RPGRIP1: variants seen among roughly 807,000 people sequenced by gnomAD.
The protein encoded by RPGRIP1 is X-linked retinitis pigmentosa GTPase regulator-interacting protein 1.
A neutral mutation model predicts 157.9 loss-of-function variants in RPGRIP1; 128 were observed. That is an observed-to-expected ratio of 0.81 (90% confidence interval 0.70 to 0.94). RPGRIP1 has a LOEUF of 0.94. RPGRIP1 is among the 40% of genes least tolerant of loss of function. The probability of loss-of-function intolerance (pLI) is 0.00; values close to 1 mark genes in which losing one functional copy is unlikely to be tolerated. For missense variants in RPGRIP1, 1,486 were observed against 1,545.8 expected (o/e 0.96, Z 0.65); for synonymous variants, 554 against 571.6 (o/e 0.97, Z 0.44).
At chr14:21,306,919 G>A (rs1423133857) in intron 6 of RPGRIP1, among the ~76,000 whole-genome samples, 1 of 150,970 alleles carries the variant, frequency 6.6e-6, no homozygotes, top group Non-Finnish European at 1.5e-5. Context: ...GGGACTACAG[G>A]TGCGCACCAC....
At chr14:21,293,229 C>G (rs752047968) in intron 2 of RPGRIP1, among the ~76,000 whole-genome samples, 1 of 152,144 alleles carries the variant, frequency 6.6e-6, no homozygotes, top group Non-Finnish European at 1.5e-5. Context: ...GGCCAGTGAA[C>G]ACTCACAATG....
In RPGRIP1 at chr14:21,305,000, C is replaced by A. The variant is rs991770511; in HGVS notation, c.800+1457C>A. On this transcript the variant is annotated intron_variant, in intron 6 of 24. Coordinates refer to ENST00000400017, the MANE Select transcript of RPGRIP1 (RefSeq NM_020366.4). ...TGTATTTTTAGTAGAGACGGGGTTT[C>A]ACCATGTTAGCCAGGATGGTCTCGA... Among the ~76,000 whole-genome samples, 164 of 152,218 alleles carry A rather than the reference C, an allele frequency of 1.1e-3. 3 individuals carry two copies. The highest frequency in any genetic ancestry group is 1.6e-4 in the Non-Finnish European group (11 of 68,018).
At chr14:21,306,112 CTTTTTTTTTTTTTTTTTTTTTTTTT>C (rs539083010) in intron 6 of RPGRIP1, among the ~76,000 whole-genome samples, 2 of 44,790 alleles carry the variant, frequency 4.5e-5, no homozygotes, top group South Asian at 1.0e-3. Context: ...GAATAATAGT[CTTTTTTTTTTTTTTTTTTTTTTTTT>C]TTTTTTTTTT....
At chr14:21,297,620 A>T (rs1880840710) in intron 3 of RPGRIP1, among the ~76,000 whole-genome samples, 1 of 152,172 alleles carries the variant, frequency 6.6e-6, no homozygotes, top group African/African-American at 2.4e-5. Flanking sequence ...ACATACCAAC[A>T]GTTGAGCAAG....
chr14:21,297,386 C>T (rs547238843), intron 3 of RPGRIP1, among the ~76,000 whole-genome samples: 63 of 152,182 alleles, frequency 4.1e-4, no homozygotes, highest in South Asian at 8.3e-4. Flanking sequence ...TGAGCCACCG[C>T]GCCTGTCCCA....
At chr14:21,291,585 C>CT (rs35162520) in intron 2 of RPGRIP1, among the ~76,000 whole-genome samples, 204 of 143,858 alleles carry the variant, frequency 1.4e-3, no homozygotes, top group East Asian at 0.01. Flanking sequence ...GATGAAGTAC[C>CT]TTTTTTTTTT....
At chr14:21,351,054 G>T (rs1219657998) in intron 24 of RPGRIP1, 50 bp from the exon 25 acceptor site, 6 of 1,014,632 alleles carry the variant, frequency 5.9e-6, no homozygotes, top group East Asian at 2.5e-5. Context: ...CAAATACCAA[G>T]TATCAAAGTG....
At chr14:21,316,102 T>G (rs1881791337) in intron 10 of RPGRIP1, among the ~76,000 whole-genome samples, 1 of 150,684 alleles carries the variant, frequency 6.6e-6, no homozygotes, top group Non-Finnish European at 1.5e-5. Flanking sequence ...CTCAGCCTCC[T>G]GAGTAGCTGG....
Position 21,326,056 on chromosome 14 carries a change from C to G in RPGRIP1, c.2593C>G (p.Leu865Val). ...VLVTSDLDHY[L>V]RREALSIHVF... ...TGTGACCTCTGACCTGGACCATTAT[C>G]TGAGACGGGAGGCCTTGTCTATACA... The change falls in exon 17 of 25, where the codon CTG (leucine) becomes GTG (valine). Residue 865 changes from leucine to valine, a missense_variant. By Grantham distance (32) the Leu-to-Val change is conservative. Transcript: ENST00000400017. 6.2e-7 allele frequency: 1 copy of G among 1,613,960 alleles called. No individual in the cohort carries two copies. Among genetic ancestry groups the G allele is most frequent in the African/African-American group, 1.3e-5 (1 of 75,042 alleles).
chr14:21,322,111 T>C, intron 14 of RPGRIP1, 107 bp downstream of exon 14: 1 of 895,798 alleles, frequency 1.1e-6, no homozygotes, highest in Non-Finnish European at 1.7e-6. Context: ...ACCCTTAGCA[T>C]ATGACTTATC....
rs1158253237 is a variant in RPGRIP1, at chr14:21,303,637, G to A, written c.800+94G>A. 7.3e-6 allele frequency: 7 copies of A among 962,746 alleles called. No individual in the cohort carries two copies. The African/African-American group carries it at 9.8e-5, about 13-fold the overall frequency. 59.6% of individuals were successfully genotyped at this position (962,746 alleles called of 1,614,324 possible). ...CTTTCCTCCATCTCAGAGGAAAAGAGTGTTTGGGATTAAATTCAATCGGAG... is the reference window on the plus strand; with the variant it reads ...CTTTCCTCCATCTCAGAGGAAAAGAATGTTTGGGATTAAATTCAATCGGAG... On this transcript the variant is annotated intron_variant, in intron 6 of 24. Transcript: ENST00000400017.
chr14:21,320,079 G>C lies in RPGRIP1; in HGVS notation c.1369G>C (p.Glu457Gln). ...ACTTCAGAAGCATAAACAGGAAGTAGAGCTCCTCCAAAATGCAGCCACAAT... is the reference window on the plus strand; with the variant it reads ...ACTTCAGAAGCATAAACAGGAAGTACAGCTCCTCCAAAATGCAGCCACAAT... ...NILQKHKQEV[E>Q]LLQNAATISQ... The change falls in exon 12 of 25, where the codon GAG (glutamate) becomes CAG (glutamine). Residue 457 changes from glutamate to glutamine, a missense_variant. Transcript: ENST00000400017. 6.2e-7 allele frequency: 1 copy of C among 1,613,550 alleles called. No homozygotes were observed. The highest frequency in any genetic ancestry group is 8.5e-7 in the Non-Finnish European group (1 of 1,179,706).
At chr14:21,326,231 C>T in intron 17 of RPGRIP1, 58 bp downstream of exon 17, 1 of 1,138,648 alleles carries the variant, frequency 8.8e-7, no homozygotes, top group South Asian at 1.6e-5. Flanking sequence ...TCTCCCTGTC[C>T]TGATTCTACT....
intron 20 of RPGRIP1, among the ~76,000 whole-genome samples, chr14:21,330,837 A>G (rs575665147): frequency 7.9e-4 from 120 of 152,292 alleles, no homozygotes; most frequent in Non-Finnish European, 1.4e-3. Flanking sequence ...TGGGTTAACC[A>G]AGGCTGGAAT....
chr14:21,300,841 T>C, intron 3 of RPGRIP1, 125 bp from the exon 4 acceptor site: 1 of 1,123,958 alleles, frequency 8.9e-7, no homozygotes, highest in South Asian at 1.5e-5. Flanking sequence ...CTTTTTAAAG[T>C]GTGGTTAATA....
At chr14:21,331,936 ATT>A (rs397852575) in intron 20 of RPGRIP1, among the ~76,000 whole-genome samples, 14,710 of 129,882 alleles carry the variant, frequency 0.11, 432 homozygotes, top group Middle Eastern at 0.23. Flanking sequence ...TATATATATA[ATT>A]TTTTTTTTTT....
intron 6 of RPGRIP1, among the ~76,000 whole-genome samples, chr14:21,304,298 A>G (rs113186054): frequency 0.24 from 34,830 of 144,786 alleles, 4,463 homozygotes; most frequent in Admixed American, 0.33. Context: ...CTGGGCAACA[A>G]GAGCAAAACT....
chr14:21,340,874 T>C (rs546143939), intron 21 of RPGRIP1, among the ~76,000 whole-genome samples: 224 of 152,260 alleles, frequency 1.5e-3, no homozygotes, highest in Middle Eastern at 0.014. Context: ...TATCCTATCC[T>C]ATTGTTTCTT....
intron 10 of RPGRIP1, among the ~76,000 whole-genome samples, chr14:21,314,816 G>C (rs571352212): frequency 2.2e-4 from 34 of 152,062 alleles, no homozygotes; most frequent in African/African-American, 8.0e-4. Context: ...GAGCACAGGA[G>C]TGTGAGACCA....
Sources: allele counts gnomAD v4.1 joint callset (sites outside exome capture counted in the v4.1 genomes callset), GRCh38; gene constraint gnomAD v4.1.1; transcripts MANE v1.5; gene names NCBI Gene and HGNC (gene_info 2026-07-23, HGNC 2026-07-21).